Variants in CNIH3 observed in about 807,000 individuals in gnomAD.
CNIH3 encodes the protein cornichon family AMPA receptor auxiliary protein 3.
CNIH3 carries 14 observed loss-of-function variants against 24.1 expected under a neutral mutation model. The ratio of observed to expected loss-of-function variants is 0.58; its 90% confidence interval spans 0.38 to 0.91. The LOEUF is 0.91. CNIH3 is among the 40% of genes least tolerant of loss of function. The probability of loss-of-function intolerance (pLI) is 0.00; values close to 1 mark genes in which losing one functional copy is unlikely to be tolerated. For missense variants in CNIH3, 178 were observed against 196.8 expected (o/e 0.90, Z 0.57); for synonymous variants, 68 against 73.8 (o/e 0.92, Z 0.40).
In CNIH3 at chr1:224,684,269, CATT is replaced by C. The variant is rs1686545077; in HGVS notation, c.151-526_151-524del. Among the ~76,000 whole-genome samples the C allele has an allele frequency of 6.6e-6, 1 of 152,212 alleles. No homozygotes were observed. Among genetic ancestry groups the C allele is most frequent in the Admixed American group, 6.5e-5 (1 of 15,284 alleles). ...TTAAAAAGCCTTAGCCTGGGGGCAT[CATT>C]GTTGTCTAATTTAGTAGGGAGATTA... On this transcript the variant is annotated intron_variant, in intron 2 of 5. Transcript: ENST00000272133. The surrounding 1 kb of genome is among the most constrained non-coding windows in gnomAD (Gnocchi z 4.2).
At chr1:224,455,896 CAT>C (rs1054738353) in intron 1 of CNIH3, among the ~76,000 whole-genome samples, 4 of 152,208 alleles carry the variant, frequency 2.6e-5, no homozygotes, top group African/African-American at 9.6e-5. Context: ...AAACATCAAA[CAT>C]AGTGTATTGT....
In CNIH3 at chr1:224,737,061, C is replaced by T. The variant is rs533632931; in HGVS notation, c.456-2268C>T. Among the ~76,000 whole-genome samples, 3 of 152,266 alleles carry T rather than the reference C, an allele frequency of 2.0e-5. No individual in the cohort carries two copies. The East Asian group carries it at 5.8e-4, about 29-fold the overall frequency. On this transcript the variant is annotated intron_variant, in intron 5 of 5. Transcript: ENST00000272133. ...GACCATTGTTTTCATTAGCTCCTGC[C>T]CCTTTAGCCTGGGATCCACCTCAGT...
At chr1:224,474,074 G>A (rs966015561) in intron 1 of CNIH3, among the ~76,000 whole-genome samples, 8 of 152,246 alleles carry the variant, frequency 5.3e-5, no homozygotes, top group South Asian at 2.1e-4. Flanking sequence ...ATAAAAAAAC[G>A]AAAGTTTTGG....
At chr1:224,495,602 C>T (rs147561419) in intron 1 of CNIH3, among the ~76,000 whole-genome samples, 24 of 152,248 alleles carry the variant, frequency 1.6e-4, no homozygotes, top group African/African-American at 4.6e-4. Flanking sequence ...GTCACAAAGA[C>T]GCTGATGCAG....
intron 3 of CNIH3, among the ~76,000 whole-genome samples, chr1:224,601,218 C>G (rs1175843162): frequency 6.6e-6 from 1 of 152,184 alleles, no homozygotes; most frequent in Non-Finnish European, 1.5e-5. Flanking sequence ...TCCCTTCTCC[C>G]CTGAGGCTTC....
At position 224,689,924 on chromosome 1, in the gene CNIH3, G is replaced by A. The variant is rs532316241; in HGVS notation, c.198+5081G>A. ...CAGAGCACATCATAAGCTCTGTGGG[G>A]CCCCTACAAAGTGCAGGTTTGGGAG... On this transcript the variant is annotated intron_variant, in intron 3 of 5. Coordinates refer to ENST00000272133, the MANE Select transcript of CNIH3 (RefSeq NM_152495.2). 8.5e-5 allele frequency among the ~76,000 whole-genome samples: 13 copies of A among 152,232 alleles called. No individual in the cohort carries two copies. The East Asian group carries it at 2.1e-3, about 25-fold the overall frequency.
chr1:224,572,958 C>T (rs534601102), intron 4 of CNIH3, among the ~76,000 whole-genome samples: 3 of 152,188 alleles, frequency 2.0e-5, no homozygotes, highest in African/African-American at 4.8e-5. Context: ...CCTAGAAACA[C>T]ATAATCTACC....
At chr1:224,600,952 C>G (rs1390882679) in intron 3 of CNIH3, among the ~76,000 whole-genome samples, 1 of 152,188 alleles carries the variant, frequency 6.6e-6, no homozygotes, top group African/African-American at 2.4e-5. Context: ...TTACAGGCAG[C>G]GAATCCAAAC....
Position 224,703,382 on chromosome 1 carries a change from A to G in CNIH3, c.198+18539A>G, listed in dbSNP as rs1446097258. ...CCGCACATTAGAATCACCTGGGGGA[A>G]ATTTTAAAAATCCTGATGCCCAGAA... On this transcript the variant is annotated intron_variant, in intron 3 of 5. Coordinates refer to ENST00000272133, the MANE Select transcript of CNIH3 (RefSeq NM_152495.2). The surrounding 1 kb of genome is among the most constrained non-coding windows in gnomAD (Gnocchi z 4.2). Among the ~76,000 whole-genome samples, 3 of 151,894 alleles carry G rather than the reference A, an allele frequency of 2.0e-5. No individual in the cohort carries two copies. Among genetic ancestry groups the G allele is most frequent in the Admixed American group, 1.3e-4 (2 of 15,272 alleles).
intron 3 of CNIH3, among the ~76,000 whole-genome samples, chr1:224,595,819 C>G (rs373061746): frequency 2.6e-5 from 4 of 152,332 alleles, no homozygotes; most frequent in African/African-American, 7.2e-5. Flanking sequence ...ATCAAACCAG[C>G]CACCACATTC....
chr1:224,453,081 A>G (rs1675491618), intron 1 of CNIH3, among the ~76,000 whole-genome samples: 1 of 151,792 alleles, frequency 6.6e-6, no homozygotes, highest in African/African-American at 2.4e-5. Context: ...AGATCACGCC[A>G]TTGCACTCCA....
chr1:224,507,220 A>C (rs1677956806), intron 1 of CNIH3, among the ~76,000 whole-genome samples: 1 of 152,102 alleles, frequency 6.6e-6, no homozygotes, highest in Non-Finnish European at 1.5e-5. Context: ...CAACAAACCA[A>C]ATAGAGAATT....
chr1:224,474,968 C>A (rs865992372), intron 1 of CNIH3, among the ~76,000 whole-genome samples: 80 of 151,144 alleles, frequency 5.3e-4, no homozygotes, highest in Admixed American at 2.0e-3. Flanking sequence ...TGGCGTGAAC[C>A]CGGGAGGCGG....
intron 3 of CNIH3, among the ~76,000 whole-genome samples, chr1:224,560,513 C>T: frequency 6.6e-6 from 1 of 152,122 alleles, no homozygotes; most frequent in East Asian, 1.9e-4. Flanking sequence ...TAGAGCTGCT[C>T]CCCGTTGCTT....
intron 1 of CNIH3, among the ~76,000 whole-genome samples, chr1:224,678,950 C>G (rs919680997): frequency 1.3e-5 from 2 of 151,886 alleles, no homozygotes; most frequent in Admixed American, 1.3e-4. Context: ...GTTTTGTGAG[C>G]CTTACAGCCT....
At chr1:224,627,285 G>C (rs1683583303) in intron 1 of CNIH3, among the ~76,000 whole-genome samples, 1 of 152,016 alleles carries the variant, frequency 6.6e-6, no homozygotes, top group South Asian at 2.1e-4. Context: ...GGAGTGCAGT[G>C]ATGTGATCTC....
intron 5 of CNIH3, among the ~76,000 whole-genome samples, chr1:224,586,417 ACTATC>A (rs1229553169): frequency 6.6e-6 from 1 of 152,160 alleles, no homozygotes; most frequent in Non-Finnish European, 1.5e-5. Context: ...AGACTTATTC[ACTATC>A]ATGAGAACAG....
At chr1:224,573,895 T>G (rs1368817784) in intron 4 of CNIH3, among the ~76,000 whole-genome samples, 1 of 152,084 alleles carries the variant, frequency 6.6e-6, no homozygotes, top group African/African-American at 2.4e-5. Context: ...TTTTTGTAAA[T>G]GGTATTTCCC....
chr1:224,656,063 G>A (rs1426333693), intron 1 of CNIH3, among the ~76,000 whole-genome samples: 1 of 152,166 alleles, frequency 6.6e-6, no homozygotes. Flanking sequence ...AGAAGCATCA[G>A]TTCTGTTGAA....
Sources: allele counts gnomAD v4.1 joint callset (sites outside exome capture counted in the v4.1 genomes callset), GRCh38; gene constraint gnomAD v4.1.1; non-coding constraint Gnocchi (gnomAD v3.1); transcripts MANE v1.5; gene names NCBI Gene and HGNC (gene_info 2026-07-23, HGNC 2026-07-21).